Variants in ANK3 observed in about 807,000 individuals in gnomAD.
The protein encoded by ANK3 is ankyrin-3.
Under a neutral mutation model 370.9 loss-of-function variants are expected in ANK3, and 57 were observed. That is an observed-to-expected ratio of 0.15 (90% CI 0.12 to 0.19). ANK3 has a LOEUF of 0.19. Among genes scored for constraint, ANK3 ranks in the 10% least tolerant of loss-of-function variants. The pLI is 1.00. For missense variants in ANK3, 4,439 were observed against 5,302.1 expected (o/e 0.84, Z 5.06); for synonymous variants, 1,929 against 1,946.3 (o/e 0.99, Z 0.23).
At chr10:60,289,123 A>G (rs986864367) in intron 1 of ANK3, among the ~76,000 whole-genome samples, 1 of 152,114 alleles carries the variant, frequency 6.6e-6, no homozygotes. Flanking sequence ...TGTGGAATGG[A>G]CAAGAAAGTG....
Position 60,109,063 on chromosome 10 carries a change from A to G in ANK3, c.2949-9T>C. ...TAAAGCTAACCAGAAACCTGAGGGGAGAAGATCAGAGGCCAATTCAAGGAC... is the reference window on the plus strand; with the variant it reads ...TAAAGCTAACCAGAAACCTGAGGGGGGAAGATCAGAGGCCAATTCAAGGAC... On this transcript the variant is annotated splice_polypyrimidine_tract_variant and intron_variant, in intron 26 of 43. Coordinates refer to ENST00000280772, the MANE Select transcript of ANK3 (RefSeq NM_020987.5). 1 of 1,607,052 alleles carries G rather than the reference A, an allele frequency of 6.2e-7. No individual in the cohort carries two copies. Among genetic ancestry groups the G allele is most frequent in the South Asian group, 1.1e-5 (1 of 90,878 alleles).
intron 2 of ANK3, among the ~76,000 whole-genome samples, chr10:60,528,527 C>T (rs1261300460): frequency 6.6e-6 from 1 of 152,052 alleles, no homozygotes; most frequent in Non-Finnish European, 1.5e-5. Context: ...TATGAAACTG[C>T]CATTTTTACA....
chr10:60,715,824 G>C (rs982822172), intron 1 of ANK3, among the ~76,000 whole-genome samples: 1 of 152,058 alleles, frequency 6.6e-6, no homozygotes, highest in Non-Finnish European at 1.5e-5. Flanking sequence ...AACCATTAAG[G>C]TTCTAATCTG....
At chr10:60,569,524 C>A (rs945331732) in intron 2 of ANK3, among the ~76,000 whole-genome samples, 1 of 152,130 alleles carries the variant, frequency 6.6e-6, no homozygotes, top group African/African-American at 2.4e-5. Flanking sequence ...CACACAGACA[C>A]CCTCTTCACA....
At chr10:60,553,483 T>C (rs7085315) in intron 2 of ANK3, among the ~76,000 whole-genome samples, 86,902 of 151,990 alleles carry the variant, frequency 0.57, 25,522 homozygotes, top group East Asian at 0.78. Flanking sequence ...CCTGCTGATA[T>C]GTACTAATTT....
intron 2 of ANK3, among the ~76,000 whole-genome samples, chr10:60,577,793 A>T (rs2133275393): frequency 6.6e-6 from 1 of 152,326 alleles, no homozygotes; most frequent in Admixed American, 6.5e-5. Context: ...ATCTGAAGAA[A>T]CATGTTCTAT....
intron 17 of ANK3, among the ~76,000 whole-genome samples, chr10:60,185,609 A>G (rs1368660173): frequency 6.6e-6 from 1 of 152,188 alleles, no homozygotes; most frequent in Non-Finnish European, 1.5e-5. Context: ...CTACTCCAAT[A>G]TCTGAGCTAG....
chr10:60,311,679 C>T (rs1442545903), intron 1 of ANK3, among the ~76,000 whole-genome samples: 2 of 152,166 alleles, frequency 1.3e-5, no homozygotes, highest in African/African-American at 4.8e-5. Flanking sequence ...CTTATATATT[C>T]CTCCTAAAGG....
intron 1 of ANK3, among the ~76,000 whole-genome samples, chr10:60,291,889 T>A (rs562514511): frequency 6.6e-6 from 1 of 152,120 alleles, no homozygotes; most frequent in Admixed American, 6.5e-5. Context: ...ATTTTTGTAA[T>A]TTTCAGTAGA....
chr10:60,416,573 T>C (rs1049984888), intron 2 of ANK3, among the ~76,000 whole-genome samples: 1 of 152,232 alleles, frequency 6.6e-6, no homozygotes, highest in African/African-American at 2.4e-5. Context: ...AACTGAGAAG[T>C]GTTACATTAG....
intron 23 of ANK3, among the ~76,000 whole-genome samples, chr10:60,151,008 C>T (rs1232577714): frequency 6.6e-6 from 1 of 152,130 alleles, no homozygotes; most frequent in African/African-American, 2.4e-5. Flanking sequence ...CTCCTTGAGA[C>T]TGACTCCTTA....
At chr10:60,140,322 C>A in intron 23 of ANK3, 1 of 1,611,404 alleles carries the variant, frequency 6.2e-7, no homozygotes, top group Non-Finnish European at 8.5e-7. Flanking sequence ...ACAAAAACAG[C>A]ACACACCAAG....
intron 28 of ANK3, among the ~76,000 whole-genome samples, chr10:60,091,371 G>C (rs1223434089): frequency 6.6e-6 from 1 of 152,176 alleles, no homozygotes; most frequent in Non-Finnish European, 1.5e-5. Flanking sequence ...CCACCATGTA[G>C]AGCACTGATC....
At chr10:60,585,919 G>A (rs1043090852) in intron 2 of ANK3, among the ~76,000 whole-genome samples, 1 of 152,080 alleles carries the variant, frequency 6.6e-6, no homozygotes, top group Non-Finnish European at 1.5e-5. Context: ...AGCTACTTGG[G>A]AGGCTAAGGC....
chr10:60,170,936 A>G (rs1321438890), intron 21 of ANK3, among the ~76,000 whole-genome samples: 1 of 152,180 alleles, frequency 6.6e-6, no homozygotes, highest in East Asian at 1.9e-4. Flanking sequence ...TTAACATTGA[A>G]ATAGAAGTAT....
chr10:60,644,304 G>A (rs1034071830), intron 1 of ANK3, among the ~76,000 whole-genome samples: 5 of 152,076 alleles, frequency 3.3e-5, no homozygotes, highest in African/African-American at 1.2e-4. Flanking sequence ...ATACAAGGTA[G>A]ATTCCACTAA....
chr10:60,251,833 C>G (rs1250738669), intron 7 of ANK3, among the ~76,000 whole-genome samples: 1 of 152,214 alleles, frequency 6.6e-6, no homozygotes, highest in Non-Finnish European at 1.5e-5. Flanking sequence ...CTCCCTCTAC[C>G]TGCAGGATCA....
intron 2 of ANK3, among the ~76,000 whole-genome samples, chr10:60,504,568 A>G (rs1325554966): frequency 6.6e-6 from 1 of 152,196 alleles, no homozygotes; most frequent in African/African-American, 2.4e-5. Context: ...GTTACTAAAC[A>G]AATGTGTTTG....
intron 2 of ANK3, among the ~76,000 whole-genome samples, chr10:60,535,900 T>G (rs1041767254): frequency 1.3e-5 from 2 of 150,844 alleles, no homozygotes; most frequent in African/African-American, 4.9e-5. Context: ...GCTCTAAATA[T>G]CGGCAAAGCA....
Sources: allele counts gnomAD v4.1 joint callset (sites outside exome capture counted in the v4.1 genomes callset), GRCh38; gene constraint gnomAD v4.1.1; transcripts MANE v1.5; gene names NCBI Gene and HGNC (gene_info 2026-07-23, HGNC 2026-07-21).